Variants in LUZP2 observed in about 807,000 individuals in gnomAD.
LUZP2 encodes leucine zipper protein 2.
In LUZP2, 52 loss-of-function variants were observed where a neutral mutation model predicts 51.6. The ratio of observed to expected loss-of-function variants is 1.01; its 90% confidence interval spans 0.81 to 1.27. The LOEUF (loss-of-function observed/expected upper bound fraction) is 1.27. LUZP2 is among the 50% of genes most tolerant of loss of function. The probability of loss-of-function intolerance (pLI) is 0.00; values close to 1 mark genes in which losing one functional copy is unlikely to be tolerated. For missense variants in LUZP2, 436 were observed against 395.4 expected (o/e 1.10, Z -0.87); for synonymous variants, 154 against 137.3 (o/e 1.12, Z -0.85).
At chr11:24,763,983 A>G (rs1301273011) in intron 5 of LUZP2, among the ~76,000 whole-genome samples, 1 of 152,174 alleles carries the variant, frequency 6.6e-6, no homozygotes, top group Non-Finnish European at 1.5e-5. Context: ...TTGAATCCTG[A>G]TTATGATGGA....
At chr11:24,540,308 C>T (rs1357427776) in intron 1 of LUZP2, among the ~76,000 whole-genome samples, 1 of 152,094 alleles carries the variant, frequency 6.6e-6, no homozygotes. Context: ...TATTGAAACT[C>T]TATCCCTCCA....
chr11:25,037,819 A>G (rs1314857805), intron 9 of LUZP2, among the ~76,000 whole-genome samples: 2 of 151,694 alleles, frequency 1.3e-5, no homozygotes, highest in African/African-American at 4.8e-5. Flanking sequence ...GTTTCTGCTG[A>G]GAGGTCTGCT....
rs1859399867 is a variant in LUZP2 at position 25,078,965 on chromosome 11, T to A, written c.*307T>A. 8.6e-6 allele frequency: 2 copies of A among 232,828 alleles called. No homozygotes were observed. The highest frequency in any genetic ancestry group is 1.7e-5 in the Non-Finnish European group (2 of 121,086). 14.4% of individuals were successfully genotyped at this position (232,828 alleles called of 1,614,324 possible). A position where few individuals can be genotyped will look rare whatever the true frequency, so the allele number is the denominator to read the frequency against. ...AATTCTCCCGGTTCATTTGGATATC[T>A]AGTACTTCTATGATATAGTTGTCAA... On this transcript the variant is annotated 3_prime_UTR_variant, in exon 12 of 12. Transcript: ENST00000336930.
intron 4 of LUZP2, among the ~76,000 whole-genome samples, chr11:24,751,174 A>G (rs918754997): frequency 1.3e-5 from 2 of 152,214 alleles, no homozygotes; most frequent in African/African-American, 4.8e-5. Context: ...CCCCCAAATG[A>G]TAACTGCTAA....
intron 9 of LUZP2, among the ~76,000 whole-genome samples, chr11:25,005,763 C>T (rs1856815347): frequency 6.6e-6 from 1 of 152,106 alleles, no homozygotes; most frequent in Non-Finnish European, 1.5e-5. Context: ...ATTTAGTGGC[C>T]CTTACCAACG....
chr11:24,526,881 ATACT>A, intron 1 of LUZP2, among the ~76,000 whole-genome samples: 1 of 151,422 alleles, frequency 6.6e-6, no homozygotes, highest in East Asian at 1.9e-4. Context: ...TATTCAGAAA[ATACT>A]TAAAGAGTTC....
intron 1 of LUZP2, among the ~76,000 whole-genome samples, chr11:24,523,470 A>G (rs961621369): frequency 3.3e-5 from 5 of 150,342 alleles, no homozygotes; most frequent in Non-Finnish European, 7.4e-5. Flanking sequence ...ATGCTAATTC[A>G]CTTAAAATAT....
chr11:24,723,845 T>C (rs896417179), intron 1 of LUZP2, among the ~76,000 whole-genome samples: 28 of 151,736 alleles, frequency 1.8e-4, no homozygotes, highest in African/African-American at 6.8e-4. Flanking sequence ...AAATGAAAAA[T>C]GAAAAATAAA....
chr11:24,954,654 C>T (rs1386010167), intron 7 of LUZP2, among the ~76,000 whole-genome samples: 1 of 152,024 alleles, frequency 6.6e-6, no homozygotes, highest in Non-Finnish European at 1.5e-5. Context: ...ATGGAGACTG[C>T]TTAACTGCTT....
chr11:24,553,930 T>G (rs1590173607), intron 1 of LUZP2, among the ~76,000 whole-genome samples: 1 of 152,182 alleles, frequency 6.6e-6, no homozygotes, highest in African/African-American at 2.4e-5. Flanking sequence ...TAAAAAGACT[T>G]TGAAAGTATT....
At chr11:24,525,961 G>A (rs968044919) in intron 1 of LUZP2, among the ~76,000 whole-genome samples, 61 of 151,242 alleles carry the variant, frequency 4.0e-4, no homozygotes, top group African/African-American at 1.4e-3. Context: ...TACATCTATA[G>A]AATATTCTTC....
chr11:24,759,474 T>G (rs1859901888), intron 4 of LUZP2, among the ~76,000 whole-genome samples: 1 of 152,110 alleles, frequency 6.6e-6, no homozygotes, highest in Non-Finnish European at 1.5e-5. Context: ...CATTCTCAAG[T>G]TTTTCTGTCC....
chr11:24,929,889 C>T lies in LUZP2; in HGVS notation c.522+15351C>T, dbSNP rs139767702. ...AGGTATAGTACTTATCAGTAGTTAT[C>T]GTCTTATAAATTTGGGAGCTCCAGT... On this transcript the variant is annotated intron_variant, in intron 7 of 11. Coordinates refer to ENST00000336930, the MANE Select transcript of LUZP2 (RefSeq NM_001009909.4). Among the ~76,000 whole-genome samples the T allele has an allele frequency of 6.8e-3, 1,028 of 151,916 alleles. 7 individuals carry two copies. The highest frequency in any genetic ancestry group is 0.019 in the African/African-American group (800 of 41,472).
At chr11:24,739,472 G>A (rs2716446) in intron 4 of LUZP2, among the ~76,000 whole-genome samples, 1,919 of 152,180 alleles carry the variant, frequency 0.013, 44 homozygotes, top group African/African-American at 0.043. Flanking sequence ...GCATCAATGA[G>A]AGAGTCCAGA....
intron 4 of LUZP2, among the ~76,000 whole-genome samples, chr11:24,759,992 G>GT (rs1282659269): frequency 6.6e-6 from 1 of 152,150 alleles, no homozygotes; most frequent in African/African-American, 2.4e-5. Context: ...GTGAATACAT[G>GT]TAAGATGTAC....
intron 1 of LUZP2, among the ~76,000 whole-genome samples, chr11:24,602,976 T>A (rs1291903772): frequency 6.6e-6 from 1 of 151,834 alleles, no homozygotes; most frequent in East Asian, 1.9e-4. Flanking sequence ...ATCTTTAACA[T>A]TGGCAGAATA....
At chr11:24,569,068 CA>C (rs2133795013) in intron 1 of LUZP2, among the ~76,000 whole-genome samples, 1 of 146,792 alleles carries the variant, frequency 6.8e-6, no homozygotes, top group African/African-American at 2.5e-5. Flanking sequence ...GACAGAAAAG[CA>C]TTAACTATTG....
At chr11:24,805,116 C>T (rs1849815615) in intron 5 of LUZP2, among the ~76,000 whole-genome samples, 4 of 151,178 alleles carry the variant, frequency 2.6e-5, no homozygotes, top group Admixed American at 6.6e-5. Flanking sequence ...AATCAACTAA[C>T]AGATCCACAT....
At chr11:25,023,019 A>C (rs956839772) in intron 9 of LUZP2, among the ~76,000 whole-genome samples, 4 of 152,128 alleles carry the variant, frequency 2.6e-5, no homozygotes, top group Admixed American at 2.6e-4. Context: ...ATGGTGGATA[A>C]ACTTTTTGAT....
Sources: gnomAD v4.1 joint callset for allele counts (sites outside exome capture counted in the v4.1 genomes callset) on GRCh38, gnomAD v4.1.1 for gene constraint, MANE v1.5 for transcripts, NCBI Gene and HGNC (gene_info 2026-07-23, HGNC 2026-07-21) for gene names.